Variants in PDGFC observed in about 807,000 individuals in gnomAD.
PDGFC encodes platelet derived growth factor C.
In PDGFC, 12 loss-of-function variants were observed where a neutral mutation model predicts 35.5. That is an observed-to-expected ratio of 0.34 (90% CI 0.22 to 0.55). The LOEUF is 0.55. Ranked by LOEUF, PDGFC falls within the 20% of genes least tolerant of loss-of-function variation. PDGFC has a pLI of 0.91. For missense variants in PDGFC, 322 were observed against 412.4 expected (o/e 0.78, Z 1.90); for synonymous variants, 159 against 148.8 (o/e 1.07, Z -0.50).
chr4:156,827,290 A>G (rs956233782), intron 2 of PDGFC, among the ~76,000 whole-genome samples: 14 of 151,790 alleles, frequency 9.2e-5, no homozygotes, highest in Admixed American at 3.9e-4. Context: ...GGTGGCGGGC[A>G]CCTGTAGTCC....
intron 1 of PDGFC, among the ~76,000 whole-genome samples, chr4:156,882,560 G>A (rs549563307): frequency 1.3e-5 from 2 of 152,166 alleles, no homozygotes; most frequent in Non-Finnish European, 2.9e-5. Context: ...GGTATAGAAG[G>A]TTAACATGTA....
intron 2 of PDGFC, among the ~76,000 whole-genome samples, chr4:156,831,149 T>C (rs766766283): frequency 2.0e-5 from 3 of 152,134 alleles, no homozygotes; most frequent in Non-Finnish European, 4.4e-5. Context: ...ACATACATAA[T>C]AGAGTAACAT....
chr4:156,819,658 A>C (rs1732195065), intron 2 of PDGFC, among the ~76,000 whole-genome samples: 1 of 152,252 alleles, frequency 6.6e-6, no homozygotes, highest in African/African-American at 2.4e-5. Flanking sequence ...ACGTATAAGG[A>C]GATTTACATA....
chr4:156,785,664 C>G (rs1004539381), intron 3 of PDGFC, among the ~76,000 whole-genome samples: 4 of 151,996 alleles, frequency 2.6e-5, no homozygotes, highest in Non-Finnish European at 5.9e-5. Context: ...GAGAGATGAC[C>G]GACTCTTCAA....
chr4:156,872,883 C>A (rs577051830), intron 1 of PDGFC, among the ~76,000 whole-genome samples: 2 of 152,212 alleles, frequency 1.3e-5, no homozygotes, highest in South Asian at 4.1e-4. Context: ...ATAATCCCAC[C>A]CCTTGGGAGG....
chr4:156,926,826 C>T (rs987518493), intron 1 of PDGFC, among the ~76,000 whole-genome samples: 3 of 152,136 alleles, frequency 2.0e-5, no homozygotes, highest in African/African-American at 7.2e-5. Context: ...GTCTGGAGGA[C>T]AGTGGCCCTC....
At chr4:156,791,777 T>C (rs978312098) in intron 3 of PDGFC, among the ~76,000 whole-genome samples, 12 of 152,180 alleles carry the variant, frequency 7.9e-5, no homozygotes, top group African/African-American at 2.9e-4. Context: ...AGTAATAAAA[T>C]ACATTAGTTG....
chr4:156,951,283 T>C (rs1247999430), intron 1 of PDGFC, among the ~76,000 whole-genome samples: 2 of 151,914 alleles, frequency 1.3e-5, no homozygotes, highest in Non-Finnish European at 2.9e-5. Flanking sequence ...TCAGATTTCA[T>C]TGTGAGGCTT....
In PDGFC at chr4:156,775,625, A is replaced by G. The variant is rs528374619; in HGVS notation, c.496-2732T>C. On this transcript the variant is annotated intron_variant, in intron 3 of 5. Transcript: ENST00000502773. ...ACTGAAATTAATATTGCTGAGATGC[A>G]GTCCAAAATATTAACACAAAAGAAG... Among the ~76,000 whole-genome samples, 44 of 152,330 alleles carry G rather than the reference A, an allele frequency of 2.9e-4. 1 individual carries two copies. The South Asian group carries it at 9.1e-3, about 32-fold the overall frequency.
chr4:156,963,981 C>CAA (rs199841240), intron 1 of PDGFC, among the ~76,000 whole-genome samples: 20 of 78,428 alleles, frequency 2.6e-4, no homozygotes, highest in Non-Finnish European at 3.9e-4. Context: ...CGGTCTTGAC[C>CAA]AAAAAAAAAA....
At chr4:156,901,319 CA>C (rs1363414041) in intron 1 of PDGFC, among the ~76,000 whole-genome samples, 2 of 152,092 alleles carry the variant, frequency 1.3e-5, no homozygotes, top group African/African-American at 4.8e-5. Context: ...AAGGAGCAAG[CA>C]CATGTAAACG....
intron 1 of PDGFC, among the ~76,000 whole-genome samples, chr4:156,962,524 T>C (rs1311646482): frequency 6.6e-6 from 1 of 151,912 alleles, no homozygotes; most frequent in African/African-American, 2.4e-5. Flanking sequence ...TCTGACCGAG[T>C]TTCTCAAAGG....
intron 1 of PDGFC, among the ~76,000 whole-genome samples, chr4:156,970,440 G>C (rs1732564337): frequency 6.6e-6 from 1 of 152,056 alleles, no homozygotes; most frequent in Admixed American, 6.6e-5. Context: ...ACATGCCAAG[G>C]CTCATTCATT....
intron 5 of PDGFC, among the ~76,000 whole-genome samples, chr4:156,764,261 A>G (rs1257725691): frequency 1.3e-5 from 2 of 152,252 alleles, no homozygotes; most frequent in Non-Finnish European, 2.9e-5. Context: ...AAAGACTTAA[A>G]AGAAAAACAG....
intron 1 of PDGFC, among the ~76,000 whole-genome samples, chr4:156,960,217 G>C (rs1304014318): frequency 6.8e-6 from 1 of 146,344 alleles, no homozygotes; most frequent in Non-Finnish European, 1.5e-5. Flanking sequence ...ACAATGCAAA[G>C]ATACAGTTGA....
chr4:156,796,779 C>T lies in PDGFC; in HGVS notation c.495+14058G>A, dbSNP rs117480585. Among the ~76,000 whole-genome samples, 105 of 151,944 alleles carry T rather than the reference C, an allele frequency of 6.9e-4. 1 individual carries two copies. The East Asian group carries it at 0.017, about 25-fold the overall frequency. On this transcript the variant is annotated intron_variant, in intron 3 of 5. Transcript: ENST00000502773. ...GGAACCCAATATAATAGTAAGTATTCGAGAAATGATGCATACTATCATTAT... is the reference window on the plus strand; with the variant it reads ...GGAACCCAATATAATAGTAAGTATTTGAGAAATGATGCATACTATCATTAT...
chr4:156,818,835 C>G (rs1732168959), intron 2 of PDGFC, among the ~76,000 whole-genome samples: 1 of 152,140 alleles, frequency 6.6e-6, no homozygotes, highest in Admixed American at 6.5e-5. Context: ...AAGTGAGAGA[C>G]AGTGACTCTT....
intron 3 of PDGFC, among the ~76,000 whole-genome samples, chr4:156,789,846 G>T (rs748201443): frequency 7.9e-5 from 12 of 151,860 alleles, no homozygotes; most frequent in Admixed American, 2.0e-4. Context: ...GCATGGTGAC[G>T]GGTGCCTGTA....
intron 3 of PDGFC, among the ~76,000 whole-genome samples, chr4:156,774,697 G>C (rs1331502886): frequency 6.9e-6 from 1 of 144,494 alleles, no homozygotes; most frequent in East Asian, 2.0e-4. Context: ...AGTAACTACA[G>C]TGTTCCAGGG....
Sources: gnomAD v4.1 joint callset for allele counts (sites outside exome capture counted in the v4.1 genomes callset) on GRCh38, gnomAD v4.1.1 for gene constraint, MANE v1.5 for transcripts, NCBI Gene and HGNC (gene_info 2026-07-23, HGNC 2026-07-21) for gene names.